RCL1: variants seen among roughly 807,000 people sequenced by gnomAD.
RCL1 encodes the protein RNA terminal phosphate cyclase like 1, also known as RNA 3'-terminal phosphate cyclase-like protein.
A neutral mutation model predicts 42.4 loss-of-function variants in RCL1; 24 were observed. The observed-to-expected ratio is 0.57, with a 90% CI of 0.41 to 0.80. The LOEUF is 0.80. Among genes scored for constraint, RCL1 ranks in the 30% least tolerant of loss-of-function variants. The probability of loss-of-function intolerance (pLI) is 0.00; values close to 1 mark genes in which losing one functional copy is unlikely to be tolerated. For missense variants in RCL1, 578 were observed against 467.9 expected, an observed-to-expected ratio of 1.24 and a Z score of -2.17; for synonymous variants, 228 against 177.3, an observed-to-expected ratio of 1.29 and a Z score of -2.27.
intron 1 of RCL1, among the ~76,000 whole-genome samples, chr9:4,815,347 T>C (rs938304826): frequency 3.3e-5 from 5 of 152,220 alleles, no homozygotes; most frequent in African/African-American, 1.2e-4. Flanking sequence ...GAAAGACTTA[T>C]CTTCAAGTTC....
At chr9:4,833,738 T>G (rs1327952392) in intron 4 of RCL1, among the ~76,000 whole-genome samples, 2 of 152,272 alleles carry the variant, frequency 1.3e-5, no homozygotes, top group Admixed American at 6.5e-5. Context: ...TACATTCATG[T>G]TTTAAACAGG....
rs116895589 is a variant in RCL1, at chr9:4,827,113, A to G, written c.384+80A>G. On this transcript the variant is annotated intron_variant, in intron 3 of 8. Coordinates refer to ENST00000381750, the MANE Select transcript of RCL1 (RefSeq NM_005772.5). ...CCAACTTGTGAGAAAAAAGTTCCTT[A>G]TAAGGCACAGTTTTATTACAAATGT... 7.3e-3 allele frequency: 11,566 copies of G among 1,594,248 alleles called. 45 individuals are homozygous for G. Among genetic ancestry groups the G allele is most frequent in the Non-Finnish European group, 8.7e-3 (10,167 of 1,169,030 alleles).
chr9:4,819,619 C>T (rs1235191978), intron 1 of RCL1, among the ~76,000 whole-genome samples: 1 of 152,126 alleles, frequency 6.6e-6, no homozygotes, highest in Admixed American at 6.5e-5. Context: ...CCATCCCGGC[C>T]AACATGGTGA....
intron 7 of RCL1, among the ~76,000 whole-genome samples, chr9:4,845,608 G>T (rs1041874554): frequency 5.3e-5 from 8 of 152,136 alleles, no homozygotes; most frequent in Non-Finnish European, 1.0e-4. Context: ...CACAAATCTG[G>T]GTCCAAGATT....
At chr9:4,845,898 C>T (rs1563854378) in intron 7 of RCL1, among the ~76,000 whole-genome samples, 1 of 152,228 alleles carries the variant, frequency 6.6e-6, no homozygotes, top group Non-Finnish European at 1.5e-5. Flanking sequence ...AGTTGTCAGG[C>T]ATCTTTCTGG....
At chr9:4,823,424 T>C in intron 1 of RCL1, 124 bp from the exon 2 acceptor site, 1 of 662,716 alleles carries the variant, frequency 1.5e-6, no homozygotes. Context: ...AAAGCCCAGG[T>C]GTGATGCAGG....
chr9:4,821,651 T>C (rs554368306), intron 1 of RCL1, among the ~76,000 whole-genome samples: 7 of 152,082 alleles, frequency 4.6e-5, no homozygotes. Context: ...CTCATTTTTT[T>C]TTTTCCCCCC....
intron 1 of RCL1, among the ~76,000 whole-genome samples, chr9:4,802,473 C>G (rs1472933290): frequency 1.3e-5 from 2 of 152,156 alleles, no homozygotes; most frequent in Non-Finnish European, 2.9e-5. Context: ...AGGTTTTAAT[C>G]CATGAACATG....
At chr9:4,841,028 A>G (rs946144481) in intron 5 of RCL1, among the ~76,000 whole-genome samples, 1 of 152,056 alleles carries the variant, frequency 6.6e-6, no homozygotes, top group African/African-American at 2.4e-5. Context: ...CACTGTCTCT[A>G]TTGTTTGGGT....
chr9:4,821,278 T>C (rs1362564753), intron 1 of RCL1, among the ~76,000 whole-genome samples: 1 of 152,098 alleles, frequency 6.6e-6, no homozygotes, highest in Admixed American at 6.5e-5. Context: ...AGAGAGAGCA[T>C]GGACTTTGGA....
chr9:4,856,660 G>C (rs1490745641), intron 8 of RCL1, among the ~76,000 whole-genome samples: 2 of 152,162 alleles, frequency 1.3e-5, no homozygotes, highest in Admixed American at 6.5e-5. Flanking sequence ...GATCGTTTGG[G>C]GTAGGGTTTA....
chr9:4,819,585 G>A (rs1167931289), intron 1 of RCL1, among the ~76,000 whole-genome samples: 1 of 152,170 alleles, frequency 6.6e-6, no homozygotes, highest in Non-Finnish European at 1.5e-5. Flanking sequence ...GAGGCGGGGG[G>A]ATCATGAGGT....
intron 7 of RCL1, among the ~76,000 whole-genome samples, chr9:4,846,894 C>CTTTTTTCTTTTTTT (rs57427254): frequency 6.7e-6 from 1 of 148,606 alleles, no homozygotes; most frequent in African/African-American, 2.5e-5. Flanking sequence ...TAATATTTTT[C>CTTTTTTCTTTTTTT]TTTTTTTTTT....
At chr9:4,836,395 A>G (rs371371943) in intron 5 of RCL1, among the ~76,000 whole-genome samples, 1 of 152,234 alleles carries the variant, frequency 6.6e-6, no homozygotes, top group Non-Finnish European at 1.5e-5. Context: ...AAGCAGGTCA[A>G]GGGATGAGAA....
chr9:4,858,214 T>C (rs1037473640), intron 8 of RCL1, among the ~76,000 whole-genome samples: 2 of 152,168 alleles, frequency 1.3e-5, no homozygotes, highest in African/African-American at 4.8e-5. Context: ...CTTTTTATTA[T>C]TGAGTTGTAA....
intron 5 of RCL1, among the ~76,000 whole-genome samples, chr9:4,837,908 G>C (rs1817192059): frequency 1.3e-5 from 2 of 152,134 alleles, no homozygotes; most frequent in Admixed American, 1.3e-4. Flanking sequence ...GCTTCCTCCT[G>C]GCTCCCCAGG....
rs1342289238 is a variant in RCL1, at chr9:4,860,460, A to G, written c.*185A>G. The G allele has an allele frequency of 5.2e-5, 34 of 659,154 alleles. No individual in the cohort carries two copies. The East Asian group carries it at 1.1e-3, about 21-fold the overall frequency. 40.8% of individuals were successfully genotyped at this position (659,154 alleles called of 1,614,324 possible). A position where few individuals can be genotyped will look rare whatever the true frequency, so the allele number is the denominator to read the frequency against. Reference sequence around the variant, plus strand: ...GCATATGGTTTCCAGCTGTTTCTCCAGTGGCATTGCCATTGCCCAGGAGGG... The same window carrying G: ...GCATATGGTTTCCAGCTGTTTCTCCGGTGGCATTGCCATTGCCCAGGAGGG... On this transcript the variant is annotated 3_prime_UTR_variant, in exon 9 of 9. Transcript: ENST00000381750.
intron 2 of RCL1, among the ~76,000 whole-genome samples, chr9:4,824,584 A>G (rs372460167): frequency 1.3e-5 from 2 of 152,140 alleles, no homozygotes; most frequent in Non-Finnish European, 2.9e-5. Context: ...TCTACATTGT[A>G]TGGAAAACTG....
chr9:4,853,325 T>C (rs1817818295), intron 8 of RCL1, among the ~76,000 whole-genome samples: 1 of 54,188 alleles, frequency 1.8e-5, no homozygotes, highest in South Asian at 3.7e-4. Flanking sequence ...CACTGTGCTC[T>C]TTTTTTTTTT....
Sources: allele counts gnomAD v4.1 joint callset (sites outside exome capture counted in the v4.1 genomes callset), GRCh38; gene constraint gnomAD v4.1.1; transcripts MANE v1.5; gene names NCBI Gene and HGNC (gene_info 2026-07-23, HGNC 2026-07-21).